The following SYCE1L variants were observed in gnomAD, a reference collection of about 807,000 sequenced individuals.
The protein encoded by SYCE1L is synaptonemal complex central element protein 1 like.
A neutral mutation model predicts 39.6 loss-of-function variants in SYCE1L; 51 were observed. The observed-to-expected ratio is 1.29, with a 90% CI of 1.03 to 1.63. The LOEUF is 1.63. Ranked by LOEUF, SYCE1L falls within the 40% of genes most tolerant of loss-of-function variation. The probability of loss-of-function intolerance (pLI) is 0.00; values close to 1 mark genes in which losing one functional copy is unlikely to be tolerated. For synonymous variants in SYCE1L, 147 were observed against 122.4 expected (o/e 1.20, Z -1.33); for missense variants, 426 against 304.9 (o/e 1.40, Z -2.96).
At position 77,213,075 on chromosome 16, in the gene SYCE1L, G is replaced by A. The variant is rs937512035; in HGVS notation, c.*144G>A. On this transcript the variant is annotated 3_prime_UTR_variant, in exon 11 of 11. Coordinates refer to ENST00000378644, the MANE Select transcript of SYCE1L (RefSeq NM_001129979.3). ...GGGCGTGCTGGGATCTCGAGGCGGG[G>A]CCTCTGCCGGACCCCTCCCACCAGT... The A allele has an allele frequency of 3.5e-6, 3 of 867,108 alleles. No individual in the cohort carries two copies. Among genetic ancestry groups the A allele is most frequent in the South Asian group, 7.0e-5 (2 of 28,572 alleles). The allele number at this position is 867,108 out of a possible 1,614,324, so 53.7% of individuals were successfully genotyped here. A position where few individuals can be genotyped will look rare whatever the true frequency, so the allele number is the denominator to read the frequency against.
intron 1 of SYCE1L, chr16:77,201,533 C>G (rs1281690285): frequency 1.3e-5 from 2 of 152,168 alleles, no homozygotes; most frequent in African/African-American, 4.8e-5. Context: ...AAAGTAAAGG[C>G]TTTGCTAGAG....
rs1334272004 is a variant in SYCE1L at position 77,213,045 on chromosome 16, GGGCGGGGCGTGCTGGGATCTCGA to G, written c.*123_*145del. The G allele has an allele frequency of 2.7e-6, 3 of 1,123,686 alleles. No homozygotes were observed. Among genetic ancestry groups the G allele is most frequent in the Non-Finnish European group, 3.5e-6 (3 of 865,204 alleles). The allele number at this position is 1,123,686 out of a possible 1,614,324, so 69.6% of individuals were successfully genotyped here. A position where few individuals can be genotyped will look rare whatever the true frequency, so the allele number is the denominator to read the frequency against. The stretch of plus-strand genomic sequence containing the variant: ...GGAGTCTGTGCTACACCGTGGAGCG[GGGCGGGGCGTGCTGGGATCTCGA>G]GGCGGGGCCTCTGCCGGACCCCTCC... On this transcript the variant is annotated 3_prime_UTR_variant, in exon 11 of 11. Coordinates refer to ENST00000378644, the MANE Select transcript of SYCE1L (RefSeq NM_001129979.3).
intron 6 of SYCE1L, 51 bp from the exon 7 acceptor site, chr16:77,211,162 A>G: frequency 1.3e-6 from 2 of 1,544,680 alleles, no homozygotes; most frequent in Non-Finnish European, 8.8e-7. Context: ...AGCCCCCAAC[A>G]GGGTGTCAGG....
chr16:77,208,999 C>T, intron 4 of SYCE1L, 98 bp from the exon 5 acceptor site: 1 of 1,316,420 alleles, frequency 7.6e-7, no homozygotes, highest in South Asian at 1.3e-5. Flanking sequence ...TCTCCTAGGG[C>T]TGTACTACAC....
At position 77,212,293 on chromosome 16, in the gene SYCE1L, C is replaced by T. The variant is rs1178049710; in HGVS notation, c.505C>T (p.Arg169Cys). ...EQLLSERRLV[R>C]AKLREVERRL... ...CCGCCCACCGACAGGGAGGCTGGTGCGCGCCAAGCTGCGGGAGGTGGAGCG... is the reference window on the plus strand; with the variant it reads ...CCGCCCACCGACAGGGAGGCTGGTGTGCGCCAAGCTGCGGGAGGTGGAGCG... Residue 169 changes from arginine to cysteine, a missense_variant, in exon 9 of 11, where the codon CGC becomes TGC. By Grantham distance (180) the Arg-to-Cys change is radical (BLOSUM62 -3). Transcript: ENST00000378644. The T allele has an allele frequency of 1.3e-6, 2 of 1,521,382 alleles. No homozygotes were observed. Among genetic ancestry groups the T allele is most frequent in the East Asian group, 2.5e-5 (1 of 40,252 alleles). The allele number at this position is 1,521,382 out of a possible 1,614,324, so 94.2% of individuals were successfully genotyped here.
intron 1 of SYCE1L, chr16:77,201,789 A>C (rs531936541): frequency 6.6e-6 from 1 of 152,318 alleles, no homozygotes; most frequent in East Asian, 1.9e-4. Flanking sequence ...AAATGTATTA[A>C]ATTATAAGTT....
chr16:77,212,351 C>G lies in SYCE1L; in HGVS notation c.563C>G (p.Ala188Gly), dbSNP rs1223226686. 1 of 1,527,264 alleles carries G rather than the reference C, an allele frequency of 6.5e-7. No individual in the cohort carries two copies. Among genetic ancestry groups the G allele is most frequent in the African/African-American group, 1.4e-5 (1 of 71,544 alleles). The allele number at this position is 1,527,264 out of a possible 1,614,324, so 94.6% of individuals were successfully genotyped here. A position where few individuals can be genotyped will look rare whatever the true frequency, so the allele number is the denominator to read the frequency against. Residue 188 changes from alanine to glycine, a missense_variant, in exon 9 of 11, where the codon GCC (alanine) becomes GGC (glycine). By Grantham distance (60) the Ala-to-Gly change is moderately conservative (BLOSUM62 0). Transcript: ENST00000378644. Reference protein sequence around the residue: ...RLHSPPEVEGAMAVNDGLKAE... With the variant: ...RLHSPPEVEGGMAVNDGLKAE... ...CACTCGCCGCCTGAGGTCGAGGGCG[C>G]CATGGCGGTGAATGACGGGTGAGAG...
rs1164094469 is a variant in SYCE1L, at chr16:77,200,287, T to TACACAC, written c.61+776_61+777insCACACA. 274 of 126,842 alleles carry TACACAC rather than the reference T, an allele frequency of 2.2e-3. 5 individuals are homozygous for TACACAC. The highest frequency in any genetic ancestry group is 8.1e-3 in the Middle Eastern group (2 of 248). 7.9% of individuals were successfully genotyped at this position (126,842 alleles called of 1,614,324 possible). A position where few individuals can be genotyped will look rare whatever the true frequency, so the allele number is the denominator to read the frequency against. On this transcript the variant is annotated intron_variant, in intron 1 of 10. Coordinates refer to ENST00000378644, the MANE Select transcript of SYCE1L (RefSeq NM_001129979.3). ...ATATATATATGTGTATATATATATA[T>TACACAC]ATATACACACACTAATCAGCCGGGC...
chr16:77,208,625 C>A, intron 4 of SYCE1L, 86 bp downstream of exon 4: 1 of 1,254,094 alleles, frequency 8.0e-7, no homozygotes, highest in Non-Finnish European at 1.1e-6. Context: ...GCTCCCTGGC[C>A]TACAATGCTC....
chr16:77,212,109 G>A (rs752498899), intron 7 of SYCE1L, 21 bp from the exon 8 acceptor site: 1 of 1,544,824 alleles, frequency 6.5e-7, no homozygotes, highest in South Asian at 1.2e-5. Context: ...AAACGGGGAG[G>A]CCTCCTCTTT....
At chr16:77,204,588 C>G (rs1160837508) in intron 1 of SYCE1L, among the ~76,000 whole-genome samples, 1 of 152,038 alleles carries the variant, frequency 6.6e-6, no homozygotes. Context: ...AGGTAAACAG[C>G]TTAAATATCA....
chr16:77,201,558 A>C (rs1305277727), intron 1 of SYCE1L: 1 of 152,172 alleles, frequency 6.6e-6, no homozygotes, highest in Admixed American at 6.5e-5. Flanking sequence ...TCGGCAGAGT[A>C]TTTTTAGCAT....
At chr16:77,212,741 G>T (rs965255995) in intron 10 of SYCE1L, 95 bp downstream of exon 10, 1 of 1,433,638 alleles carries the variant, frequency 7.0e-7, no homozygotes, top group Admixed American at 2.6e-5. Flanking sequence ...AGTGGGGTCT[G>T]TGGGGAGCAG....
rs1446813553 is a variant in SYCE1L at position 77,212,623 on chromosome 16, G to T, written c.631G>T (p.Glu211Ter). Reference sequence around the variant, plus strand: ...CGGGGAGCAGGTCCGGAGCGCCCCCGAGGTCGGGGCCGGCGAGGGAGAGGT... The same window carrying T: ...CGGGGAGCAGGTCCGGAGCGCCCCCTAGGTCGGGGCCGGCGAGGGAGAGGT... ...IFGEQVRSAP[E>*]VGAGEGEAGP... The change falls in exon 10 of 11, where the codon GAG becomes TAG. Residue 211 changes from glutamate (E) to a stop codon, truncating the protein, a stop_gained. Coordinates refer to ENST00000378644, the MANE Select transcript of SYCE1L (RefSeq NM_001129979.3). LOFTEE classifies it low-confidence loss of function (END_TRUNC). 8 of 1,535,510 alleles carry T rather than the reference G, an allele frequency of 5.2e-6. No homozygotes were observed. The highest frequency in any genetic ancestry group is 7.0e-6 in the Non-Finnish European group (8 of 1,146,314).
rs1405984088 is a variant in SYCE1L at position 77,212,383 on chromosome 16, GGAGGAGTGGGC to G, written c.581+21_581+31del. On this transcript the variant is annotated intron_variant, in intron 9 of 10. Coordinates refer to ENST00000378644, the MANE Select transcript of SYCE1L (RefSeq NM_001129979.3). ...GGTGAATGACGGGTGAGAGGGGAAG[GGAGGAGTGGGC>G]GAGGAGGGCAGGGGCAGGGCGGAGG... 6.5e-7 allele frequency: 1 copy of G among 1,527,800 alleles called. No individual in the cohort carries two copies. Among genetic ancestry groups the G allele is most frequent in the Non-Finnish European group, 8.8e-7 (1 of 1,138,828 alleles). The allele number at this position is 1,527,800 out of a possible 1,614,324, so 94.6% of individuals were successfully genotyped here.
intron 1 of SYCE1L, 34 bp from the exon 2 acceptor site, chr16:77,206,407 C>G: frequency 1.3e-6 from 2 of 1,546,070 alleles, no homozygotes; most frequent in Non-Finnish European, 1.8e-6. Flanking sequence ...CTCACTCTCG[C>G]TGTGTCCTGT....
chr16:77,200,291 T>TATATATATATATATACACAC, intron 1 of SYCE1L: 11 of 111,426 alleles, frequency 9.9e-5, no homozygotes, highest in African/African-American at 3.4e-4. Context: ...TATATATATA[T>TATATATATATATATACACAC]ACACACACTA....
At chr16:77,211,324 T>C (rs1318309455) in intron 7 of SYCE1L, 48 bp downstream of exon 7, 2 of 1,549,634 alleles carry the variant, frequency 1.3e-6, no homozygotes, top group Admixed American at 2.0e-5. Flanking sequence ...TCCCTGGCTT[T>C]AGTGTCGCAC....
At position 77,207,783 on chromosome 16, in the gene SYCE1L, G is replaced by A. The variant is rs370608519; in HGVS notation, c.122-427G>A. 4.6e-5 allele frequency among the ~76,000 whole-genome samples: 7 copies of A among 152,018 alleles called. No homozygotes were observed. In the East Asian group the frequency reaches 5.8e-4, roughly 13 times the overall value. ...GTTACTTTGGACACGTGCCTCACCC[G>A]CTCCTGCCACACTACAGGGAATTTG... On this transcript the variant is annotated intron_variant, in intron 2 of 10. Coordinates refer to ENST00000378644, the MANE Select transcript of SYCE1L (RefSeq NM_001129979.3).
Sources: allele counts gnomAD v4.1 joint callset (sites outside exome capture counted in the v4.1 genomes callset), GRCh38; gene constraint gnomAD v4.1.1; transcripts MANE v1.5; gene names NCBI Gene and HGNC (gene_info 2026-07-23, HGNC 2026-07-21).